Variants in CAMK1D observed in about 807,000 individuals in gnomAD.
CAMK1D encodes the protein calcium/calmodulin-dependent protein kinase type 1D.
CAMK1D carries 9 observed loss-of-function variants against 47.7 expected under a neutral mutation model. The observed-to-expected ratio is 0.19, with a 90% CI of 0.11 to 0.33. CAMK1D has a LOEUF of 0.33. Ranked by LOEUF, CAMK1D falls within the 10% of genes least tolerant of loss-of-function variation. The probability of loss-of-function intolerance (pLI) is 1.00; values close to 1 mark genes in which losing one functional copy is unlikely to be tolerated. For missense variants in CAMK1D, 291 were observed against 488.7 expected (o/e 0.60, Z 3.81); for synonymous variants, 184 against 184.9 (o/e 0.99, Z 0.04).
At chr10:12,528,873 C>G (rs567235452) in intron 1 of CAMK1D, among the ~76,000 whole-genome samples, 1 of 152,016 alleles carries the variant, frequency 6.6e-6, no homozygotes, top group African/African-American at 2.4e-5. Context: ...TCCTGAGTAG[C>G]TGGGACTACA....
chr10:12,676,943 C>A (rs554707912), intron 3 of CAMK1D, among the ~76,000 whole-genome samples: 1 of 152,228 alleles, frequency 6.6e-6, no homozygotes, highest in South Asian at 2.1e-4. Context: ...ATGTTTATTT[C>A]TTATATAATT....
intron 3 of CAMK1D, among the ~76,000 whole-genome samples, chr10:12,685,691 G>A (rs530962750): frequency 6.6e-6 from 1 of 152,282 alleles, no homozygotes; most frequent in Non-Finnish European, 1.5e-5. Flanking sequence ...GTGATTCACT[G>A]TCTCCCTGTT....
chr10:12,526,277 T>TA (rs1835618523), intron 1 of CAMK1D, among the ~76,000 whole-genome samples: 1 of 152,244 alleles, frequency 6.6e-6, no homozygotes, highest in African/African-American at 2.4e-5. Flanking sequence ...CTGCCCCACA[T>TA]ACACACTTTT....
chr10:12,707,706 G>A (rs559924754), intron 3 of CAMK1D, among the ~76,000 whole-genome samples: 1 of 152,280 alleles, frequency 6.6e-6, no homozygotes, highest in South Asian at 2.1e-4. Flanking sequence ...ATCTCTCTTG[G>A]ATTCTTTGAG....
In CAMK1D at chr10:12,458,026, C is replaced by T. The variant is rs545463164; in HGVS notation, c.93-95199C>T. ...AAGTCAGCAACCAGCAAAAGCAAAT[C>T]AGCCAGGGAATGCCTTTGACTTTGA... On this transcript the variant is annotated intron_variant, in intron 1 of 10. Coordinates refer to ENST00000619168, the MANE Select transcript of CAMK1D (RefSeq NM_153498.4). Among the ~76,000 whole-genome samples, 4 of 152,288 alleles carry T rather than the reference C, an allele frequency of 2.6e-5. No individual in the cohort carries two copies. The South Asian group carries it at 6.2e-4, about 24-fold the overall frequency.
chr10:12,430,791 C>G (rs767150680), intron 1 of CAMK1D, among the ~76,000 whole-genome samples: 6 of 152,124 alleles, frequency 3.9e-5, no homozygotes, highest in Non-Finnish European at 4.4e-5. Flanking sequence ...TGCTGTGTGG[C>G]CCCGGCTGGA....
At chr10:12,805,682 T>C (rs1838698375) in intron 6 of CAMK1D, among the ~76,000 whole-genome samples, 2 of 152,184 alleles carry the variant, frequency 1.3e-5, no homozygotes, top group Non-Finnish European at 2.9e-5. Flanking sequence ...TAGGCCGATA[T>C]CTTTACATTT....
intron 3 of CAMK1D, among the ~76,000 whole-genome samples, chr10:12,726,737 G>A (rs997836174): frequency 1.3e-5 from 2 of 152,190 alleles, no homozygotes; most frequent in South Asian, 2.1e-4. Flanking sequence ...CCTCAGTGAC[G>A]GAGCTTGGAT....
At chr10:12,785,418 T>C (rs573682996) in intron 5 of CAMK1D, among the ~76,000 whole-genome samples, 46 of 152,278 alleles carry the variant, frequency 3.0e-4, no homozygotes, top group African/African-American at 1.1e-3. Context: ...GCAGGAGGCA[T>C]GGGAGCAGCA....
intron 8 of CAMK1D, among the ~76,000 whole-genome samples, chr10:12,821,539 A>G (rs1329700695): frequency 6.6e-6 from 1 of 152,226 alleles, no homozygotes; most frequent in African/African-American, 2.4e-5. Context: ...AGAGCCAGGA[A>G]GGTAGAAGAG....
At chr10:12,351,911 C>T (rs1328761730) in intron 1 of CAMK1D, among the ~76,000 whole-genome samples, 1 of 152,086 alleles carries the variant, frequency 6.6e-6, no homozygotes, top group Non-Finnish European at 1.5e-5. Flanking sequence ...GGCATTGGAC[C>T]TAGAAGAATG....
At chr10:12,364,617 TAA>T (rs11299137) in intron 1 of CAMK1D, among the ~76,000 whole-genome samples, 1 of 148,774 alleles carries the variant, frequency 6.7e-6, no homozygotes, top group African/African-American at 2.5e-5. Flanking sequence ...TGACTGATGT[TAA>T]AAAAAAAAGC....
intron 1 of CAMK1D, among the ~76,000 whole-genome samples, chr10:12,375,435 T>A (rs755749444): frequency 6.6e-6 from 1 of 152,230 alleles, no homozygotes; most frequent in African/African-American, 2.4e-5. Context: ...GCAATGAGTG[T>A]TTAATCCATG....
chr10:12,685,733 A>G (rs1299566961), intron 3 of CAMK1D, among the ~76,000 whole-genome samples: 2 of 152,138 alleles, frequency 1.3e-5, no homozygotes, highest in East Asian at 3.8e-4. Flanking sequence ...AGATTGAGAG[A>G]GAAAGGATGG....
intron 3 of CAMK1D, among the ~76,000 whole-genome samples, chr10:12,701,751 A>G (rs1250616097): frequency 6.6e-6 from 1 of 152,180 alleles, no homozygotes; most frequent in Non-Finnish European, 1.5e-5. Flanking sequence ...AAGGAAATCT[A>G]TGGTTCTTTT....
At chr10:12,363,102 A>G (rs553934294) in intron 1 of CAMK1D, among the ~76,000 whole-genome samples, 1 of 151,332 alleles carries the variant, frequency 6.6e-6, no homozygotes, top group South Asian at 2.1e-4. Context: ...CAGCACACCC[A>G]GCTAATTTTT....
At chr10:12,646,325 A>G (rs1189271237) in intron 2 of CAMK1D, among the ~76,000 whole-genome samples, 1 of 152,200 alleles carries the variant, frequency 6.6e-6, no homozygotes, top group African/African-American at 2.4e-5. Context: ...ATTACAAACA[A>G]ATTTTTACAA....
chr10:12,804,978 A>G (rs942487576), intron 6 of CAMK1D, among the ~76,000 whole-genome samples: 1 of 149,800 alleles, frequency 6.7e-6, no homozygotes, highest in African/African-American at 2.5e-5. Flanking sequence ...AAAAAATACT[A>G]GGCCGGGCGC....
chr10:12,555,859 A>G (rs1219955413), intron 2 of CAMK1D, among the ~76,000 whole-genome samples: 1 of 152,214 alleles, frequency 6.6e-6, no homozygotes, highest in East Asian at 1.9e-4. Context: ...TTTCATTTGC[A>G]TGAGCAGAGG....
Sources: gnomAD v4.1 joint callset for allele counts (sites outside exome capture counted in the v4.1 genomes callset) on GRCh38, gnomAD v4.1.1 for gene constraint, MANE v1.5 for transcripts, NCBI Gene and HGNC (gene_info 2026-07-23, HGNC 2026-07-21) for gene names.